Variants in SLC26A8 observed in about 807,000 individuals in gnomAD.
SLC26A8 encodes testis anion transporter 1.
In SLC26A8, 70 loss-of-function variants were observed where a neutral mutation model predicts 105.0. The ratio of observed to expected loss-of-function variants is 0.67; its 90% confidence interval spans 0.55 to 0.81. The LOEUF is 0.81. SLC26A8 is among the 40% of genes least tolerant of loss of function. The pLI, the probability that SLC26A8 is intolerant of heterozygous loss-of-function variation, is 0.00. For missense variants in SLC26A8, 998 were observed against 1,181.8 expected (o/e 0.84, Z 2.28); for synonymous variants, 415 against 438.3 (o/e 0.95, Z 0.66).
In SLC26A8 at chr6:35,948,435, A is replaced by G. The variant is rs372289560; in HGVS notation, c.2472+2728T>C. 2.0e-5 allele frequency among the ~76,000 whole-genome samples: 3 copies of G among 152,164 alleles called. No homozygotes were observed. The East Asian group carries it at 5.8e-4, about 29-fold the overall frequency. On this transcript the variant is annotated intron_variant, in intron 19 of 19. Coordinates refer to ENST00000490799, the MANE Select transcript of SLC26A8 (RefSeq NM_052961.4). ...GAAACCTCGTCTCAAATAAAAATAC[A>G]AAAATAAGCCAGGTGTGGTGGCGCA... is the stretch of plus-strand genomic sequence containing the variant.
rs398123027 is a variant in SLC26A8, at chr6:35,943,953, G to A, written c.2860C>T (p.Arg954Cys). Reference protein sequence around the residue: ...QTRTWSVERRRHPMDSYSPEG... With the variant: ...QTRTWSVERRCHPMDSYSPEG... Reference sequence around the variant, plus strand: ...GGTGAGTATGAATCCATAGGATGGCGTCTCCTCTCCACTGACCATGTCCGA... The same window carrying A: ...GGTGAGTATGAATCCATAGGATGGCATCTCCTCTCCACTGACCATGTCCGA... Residue 954 changes from arginine (R) to cysteine (C), a missense_variant, in exon 20 of 20, where the codon CGC (arginine) becomes TGC (cysteine). Coordinates refer to ENST00000490799, the MANE Select transcript of SLC26A8 (RefSeq NM_052961.4). 89 of 1,614,026 alleles carry A rather than the reference G, an allele frequency of 5.5e-5. No individual in the cohort carries two copies. The highest frequency in any genetic ancestry group is 2.0e-4 in the East Asian group (9 of 44,902).
chr6:35,982,697 T>C lies in SLC26A8; in HGVS notation c.943-494A>G, dbSNP rs1451897464. ...TTAATATAAACATGTTTTCAGATAA[T>C]GGCTGTATCAAGTTTTCAGTTTCAA... On this transcript the variant is annotated intron_variant, in intron 7 of 19. Transcript: ENST00000490799. Among the ~76,000 whole-genome samples the C allele has an allele frequency of 4.6e-5, 7 of 152,330 alleles. No individual in the cohort carries two copies. The East Asian group carries it at 1.3e-3, about 29-fold the overall frequency.
rs1773440265 is a variant in SLC26A8, at chr6:35,985,061, T to C, written c.943-2858A>G. 1.3e-5 allele frequency among the ~76,000 whole-genome samples: 2 copies of C among 152,178 alleles called. 1 individual carries two copies. On this transcript the variant is annotated intron_variant, in intron 7 of 19. Coordinates refer to ENST00000490799, the MANE Select transcript of SLC26A8 (RefSeq NM_052961.4). ...ACAACCCCTTACCGTAACCCAGACA[T>C]TCGTCTCTATTGATAATAACTCTTT...
intron 12 of SLC26A8, 139 bp from the exon 13 acceptor site, chr6:35,961,238 G>C (rs1772297774): frequency 1.5e-6 from 1 of 674,648 alleles, no homozygotes; most frequent in African/African-American, 1.8e-5. Flanking sequence ...TAGCCACATG[G>C]ACTGGTGCCA....
chr6:36,018,010 T>C (rs1187493913), intron 2 of SLC26A8, among the ~76,000 whole-genome samples: 1 of 152,214 alleles, frequency 6.6e-6, no homozygotes, highest in Non-Finnish European at 1.5e-5. Context: ...ATAGGTTGGC[T>C]ATAATTTAAA....
chr6:36,008,707 T>C (rs1158333219), intron 3 of SLC26A8, among the ~76,000 whole-genome samples: 2 of 152,066 alleles, frequency 1.3e-5, no homozygotes, highest in Non-Finnish European at 2.9e-5. Flanking sequence ...AACTAGAACA[T>C]GGGCAAAAGA....
intron 16 of SLC26A8, among the ~76,000 whole-genome samples, chr6:35,958,958 T>C (rs537842505): frequency 6.6e-6 from 1 of 152,292 alleles, no homozygotes; most frequent in South Asian, 2.1e-4. Flanking sequence ...AATAGCGGCC[T>C]GTGCTCATCC....
rs16883151 is a variant in SLC26A8 at position 35,977,164 on chromosome 6, A to G, written c.1173+40T>C. On this transcript the variant is annotated intron_variant, in intron 9 of 19. Coordinates refer to ENST00000490799, the MANE Select transcript of SLC26A8 (RefSeq NM_052961.4). ...GTTGGCAGGAGGCTTTGATTAAAGA[A>G]CAAAGAGTTAAGGATCAGAGGAAGT... 1.5e-3 allele frequency: 2,308 copies of G among 1,580,522 alleles called. 29 individuals carry two copies. The African/African-American group carries it at 0.025, about 17-fold the overall frequency.
intron 19 of SLC26A8, among the ~76,000 whole-genome samples, chr6:35,945,097 G>T (rs957917850): frequency 6.6e-6 from 1 of 152,124 alleles, no homozygotes; most frequent in Non-Finnish European, 1.5e-5. Flanking sequence ...TGATCCACCT[G>T]CCTCAGCCTC....
intron 4 of SLC26A8, among the ~76,000 whole-genome samples, chr6:35,998,956 G>A (rs763436559): frequency 3.0e-4 from 45 of 152,198 alleles, no homozygotes; most frequent in Non-Finnish European, 5.0e-4. Flanking sequence ...GTGCAATGGT[G>A]TGATCTTGGC....
intron 3 of SLC26A8, among the ~76,000 whole-genome samples, chr6:36,002,533 A>C (rs144554799): frequency 3.8e-4 from 58 of 152,182 alleles, no homozygotes; most frequent in African/African-American, 1.4e-3. Context: ...CTAGATTTTT[A>C]ATTTTAGTGT....
intron 3 of SLC26A8, among the ~76,000 whole-genome samples, chr6:36,004,401 A>T (rs1183910125): frequency 6.6e-6 from 1 of 151,690 alleles, no homozygotes; most frequent in East Asian, 1.9e-4. Flanking sequence ...ATGCTGATTT[A>T]GTATCCAGCA....
intron 7 of SLC26A8, among the ~76,000 whole-genome samples, chr6:35,990,793 G>A (rs1353759987): frequency 1.3e-5 from 2 of 152,174 alleles, no homozygotes; most frequent in Admixed American, 6.6e-5. Flanking sequence ...ATCAATAGTA[G>A]TTGACTTTGG....
chr6:35,947,860 G>A (rs955180381), intron 19 of SLC26A8, among the ~76,000 whole-genome samples: 1 of 152,192 alleles, frequency 6.6e-6, no homozygotes, highest in Non-Finnish European at 1.5e-5. Context: ...GAGCCTGAGA[G>A]GCCGAGGCTG....
rs1253496348 is a variant in SLC26A8, at chr6:36,024,521, G to A, written c.-20C>T. ...CGGCTCACCTGGCTCCTTGGCGGGG[G>A]CGGGAGTGCGGGCGCTGGGATCCCA... On this transcript the variant is annotated 5_prime_UTR_variant, in exon 1 of 20. Coordinates refer to ENST00000490799, the MANE Select transcript of SLC26A8 (RefSeq NM_052961.4). The A allele has an allele frequency of 2.3e-6, 1 of 432,830 alleles. No homozygotes were observed. Among genetic ancestry groups the A allele is most frequent in the Non-Finnish European group, 4.6e-6 (1 of 217,800 alleles). 26.8% of individuals were successfully genotyped at this position (432,830 alleles called of 1,614,324 possible).
chr6:36,015,106 CTTTT>C (rs771966624), intron 2 of SLC26A8, among the ~76,000 whole-genome samples: 2 of 127,024 alleles, frequency 1.6e-5, no homozygotes, highest in Admixed American at 8.1e-5. Flanking sequence ...CAAAATTGTG[CTTTT>C]TTTTTTTTTT....
At chr6:35,964,929 C>T (rs967363565) in intron 11 of SLC26A8, among the ~76,000 whole-genome samples, 40 of 149,214 alleles carry the variant, frequency 2.7e-4, no homozygotes, top group African/African-American at 8.4e-4. Context: ...ATTGGGCCAC[C>T]GCTCTCCAGT....
chr6:36,000,770 T>C (rs1005638477), intron 3 of SLC26A8, among the ~76,000 whole-genome samples: 1 of 152,210 alleles, frequency 6.6e-6, no homozygotes, highest in Non-Finnish European at 1.5e-5. Flanking sequence ...CAGTTATGAA[T>C]TTAGTGAGGT....
chr6:36,019,433 C>T, intron 2 of SLC26A8, 87 bp downstream of exon 2: 1 of 1,365,332 alleles, frequency 7.3e-7, no homozygotes, highest in East Asian at 2.5e-5. Context: ...GGAACTCAGA[C>T]AAGAAAGAGA....
Sources: gnomAD v4.1 joint callset for allele counts (sites outside exome capture counted in the v4.1 genomes callset) on GRCh38, gnomAD v4.1.1 for gene constraint, MANE v1.5 for transcripts, NCBI Gene and HGNC (gene_info 2026-07-23, HGNC 2026-07-21) for gene names.